Variants in METTL22 observed in about 807,000 individuals in gnomAD.
METTL22 encodes the protein methyltransferase 22, Kin17 lysine, also known as methyltransferase-like protein 22.
A neutral mutation model predicts 48.4 loss-of-function variants in METTL22; 51 were observed. The observed-to-expected ratio is 1.05, with a 90% confidence interval of 0.84 to 1.33. The LOEUF is 1.33. Among genes scored for constraint, METTL22 ranks in the 40% most tolerant of loss-of-function variants. The pLI, the probability that METTL22 is intolerant of heterozygous loss-of-function variation, is 0.00. For synonymous variants in METTL22, 255 were observed against 214.1 expected (o/e 1.19, Z -1.67); for missense variants, 678 against 526.9 (o/e 1.29, Z -2.81).
chr16:8,641,664 A>G (rs2056622577), intron 7 of METTL22: 24 of 377,798 alleles, frequency 6.4e-5, no homozygotes, highest in South Asian at 5.1e-4. Flanking sequence ...TCCCTGTCAG[A>G]TGGCAGATGG....
At chr16:8,634,486 A>G (rs2056363253) in intron 3 of METTL22, among the ~76,000 whole-genome samples, 1 of 152,172 alleles carries the variant, frequency 6.6e-6, no homozygotes, top group Non-Finnish European at 1.5e-5. Flanking sequence ...AAAATATATT[A>G]TATTTTGCAC....
At position 8,649,249 on chromosome 16, in the gene METTL22, C is replaced by G. The variant is rs2056856241; in HGVS notation, c.*3106C>G. On this transcript the variant is annotated 3_prime_UTR_variant, in exon 11 of 11. Transcript: ENST00000381920. ...GAATTAATCTTGATCCACTGTAATT[C>G]AAAGTATCGTCAGATTTTCATTTCC... 6.6e-6 allele frequency: 1 copy of G among 152,194 alleles called. No individual in the cohort carries two copies. The highest frequency in any genetic ancestry group is 2.4e-5 in the African/African-American group (1 of 41,448). The allele number at this position is 152,194 out of a possible 1,614,324, so 9.4% of individuals were successfully genotyped here. A position where few individuals can be genotyped will look rare whatever the true frequency, so the allele number is the denominator to read the frequency against.
intron 5 of METTL22, among the ~76,000 whole-genome samples, chr16:8,637,516 A>C (rs1410383271): frequency 6.6e-6 from 1 of 152,248 alleles, no homozygotes; most frequent in Non-Finnish European, 1.5e-5. Context: ...CCTGGCTGTA[A>C]CTTCACAGTG....
rs1429990720 is a variant in METTL22, at chr16:8,628,766, A to C, written c.170A>C (p.Asp57Ala). 6.2e-7 allele frequency: 1 copy of C among 1,613,674 alleles called. No homozygotes were observed. The highest frequency in any genetic ancestry group is 8.5e-7 in the Non-Finnish European group (1 of 1,179,752). The change falls in exon 3 of 11, where the codon GAC becomes GCC. Residue 57 changes from aspartate to alanine, a missense_variant. By Grantham distance (126) the Asp-to-Ala change is moderately radical (BLOSUM62 -2). Transcript: ENST00000381920. ...CAATTCAAGCTTCTATGGAGCCAAG[A>C]CTCTTGGACAGATTCAGGAGCCAAG... ...LSQFKLLWSQ[D>A]SWTDSGAKGG... is the part of the protein sequence containing the mutation.
chr16:8,665,319 T>C, the METTL22 span, among the ~76,000 whole-genome samples: 1 of 151,750 alleles, frequency 6.6e-6, no homozygotes, highest in African/African-American at 2.4e-5. Flanking sequence ...AAAACAAAAA[T>C]AGCTGAGGCT....
At chr16:8,666,631 T>C in the METTL22 span, 1 of 152,198 alleles carries the variant, frequency 6.6e-6, no homozygotes, top group Admixed American at 6.5e-5. Flanking sequence ...CAGATGGGAC[T>C]GAGGCTCAGA....
chr16:8,633,027 A>G (rs2056313407), intron 3 of METTL22, among the ~76,000 whole-genome samples: 1 of 152,128 alleles, frequency 6.6e-6, no homozygotes, highest in Non-Finnish European at 1.5e-5. Flanking sequence ...AAGCTTTCCC[A>G]GGCCAATGGA....
At chr16:8,633,205 G>A (rs560584389) in intron 3 of METTL22, among the ~76,000 whole-genome samples, 2 of 152,198 alleles carry the variant, frequency 1.3e-5, no homozygotes, top group East Asian at 1.9e-4. Context: ...CCTGCCCAGC[G>A]AGTCCCTGTC....
chr16:8,632,709 G>T (rs2056304730), intron 3 of METTL22, among the ~76,000 whole-genome samples: 1 of 152,120 alleles, frequency 6.6e-6, no homozygotes, highest in Non-Finnish European at 1.5e-5. Flanking sequence ...TAGAAATGAG[G>T]GATGAGGCTA....
chr16:8,663,642 C>A, the METTL22 span, among the ~76,000 whole-genome samples: 4 of 152,296 alleles, frequency 2.6e-5, no homozygotes, highest in East Asian at 7.7e-4. Flanking sequence ...CTCTGTATCC[C>A]TTTTAAACCT....
Position 8,645,221 on chromosome 16 carries a change from T to C in METTL22, c.1179+496T>C, listed in dbSNP as rs150980418. 7.9e-5 allele frequency among the ~76,000 whole-genome samples: 12 copies of C among 152,312 alleles called. No individual in the cohort carries two copies. The East Asian group carries it at 1.7e-3, about 22-fold the overall frequency. On this transcript the variant is annotated intron_variant, in intron 10 of 10. Coordinates refer to ENST00000381920, the MANE Select transcript of METTL22 (RefSeq NM_024109.4). Reference sequence around the variant, plus strand: ...TTTTGTTCTGTTTGCCTTTTGGCTGTGGCCTCCCTTTCTCTATGTCTGTGG... The same window carrying C: ...TTTTGTTCTGTTTGCCTTTTGGCTGCGGCCTCCCTTTCTCTATGTCTGTGG...
Position 8,644,657 on chromosome 16 carries a change from C to A in METTL22, c.1111C>A (p.Arg371Ser), listed in dbSNP as rs115498872. ...ALEQLADGKL[R>S]FVVEPVEASF... ...GGAGCAGCTCGCAGATGGCAAGCTG[C>A]GCTTCGTGGTGGAGCCCGTGGAGGC... The change falls in exon 10 of 11, where the codon CGC (arginine) becomes AGC (serine). Residue 371 changes from arginine (R) to serine (S), a missense_variant. Physicochemically the swap from Arg to Ser is moderately radical, Grantham distance 110. Transcript: ENST00000381920. The A allele has an allele frequency of 6.2e-7, 1 of 1,606,732 alleles. No individual in the cohort carries two copies. Among genetic ancestry groups the A allele is most frequent in the Admixed American group, 1.7e-5 (1 of 58,670 alleles).
At chr16:8,635,748 T>A (rs894044099) in intron 5 of METTL22, among the ~76,000 whole-genome samples, 4 of 152,234 alleles carry the variant, frequency 2.6e-5, no homozygotes, top group African/African-American at 9.6e-5. Context: ...AATTTTACAA[T>A]CCCTAGATTG....
intron 9 of METTL22, among the ~76,000 whole-genome samples, chr16:8,643,576 A>G (rs2056689756): frequency 6.6e-6 from 1 of 152,170 alleles, no homozygotes; most frequent in Admixed American, 6.5e-5. Flanking sequence ...GGAAGTGGAC[A>G]GTGGCTGAAG....
intron 7 of METTL22, chr16:8,641,530 C>G (rs1014011179): frequency 2.0e-5 from 10 of 510,652 alleles, no homozygotes; most frequent in Non-Finnish European, 3.8e-5. Context: ...GGGGCACAGA[C>G]CATTTCCCAA....
At chr16:8,657,488 G>C in the METTL22 span, among the ~76,000 whole-genome samples, 2 of 152,122 alleles carry the variant, frequency 1.3e-5, no homozygotes, top group Non-Finnish European at 2.9e-5. Flanking sequence ...CCTTTGTCCT[G>C]TCCCTCTTTA....
the METTL22 span, among the ~76,000 whole-genome samples, chr16:8,662,722 G>A: frequency 7.0e-6 from 1 of 143,866 alleles, no homozygotes; most frequent in Non-Finnish European, 1.5e-5. Flanking sequence ...TTCCTCAGAG[G>A]CAATAAAGCT....
At chr16:8,656,458 T>C in the METTL22 span, among the ~76,000 whole-genome samples, 1 of 152,268 alleles carries the variant, frequency 6.6e-6, no homozygotes, top group Non-Finnish European at 1.5e-5. Context: ...GAAGCAAAGA[T>C]TAAGCTCCAG....
the METTL22 span, among the ~76,000 whole-genome samples, chr16:8,654,767 A>G: frequency 2.0e-5 from 3 of 152,212 alleles, no homozygotes; most frequent in Admixed American, 2.0e-4. Flanking sequence ...CTCAGAATGC[A>G]TAGAATGAGA....
Sources: allele counts gnomAD v4.1 joint callset (sites outside exome capture counted in the v4.1 genomes callset), GRCh38; gene constraint gnomAD v4.1.1; transcripts MANE v1.5; gene names NCBI Gene and HGNC (gene_info 2026-07-23, HGNC 2026-07-21).